APLP2: variants seen among roughly 807,000 people sequenced by gnomAD.
The protein encoded by APLP2 is amyloid beta precursor like protein 2.
A neutral mutation model predicts 89.9 loss-of-function variants in APLP2; 53 were observed. The observed-to-expected ratio is 0.59, with a 90% CI of 0.47 to 0.74. The LOEUF (loss-of-function observed/expected upper bound fraction) is 0.74, where lower values mean the gene tolerates loss of function less well. APLP2 is among the 30% of genes least tolerant of loss of function. The probability of loss-of-function intolerance (pLI) is 0.00; values close to 1 mark genes in which losing one functional copy is unlikely to be tolerated. For synonymous variants in APLP2, 372 were observed against 348.6 expected (o/e 1.07, Z -0.75); for missense variants, 973 against 975.9 (o/e 1.00, Z 0.04).
intron 8 of APLP2, 90 bp from the exon 9 acceptor site, chr11:130,127,676 A>G: frequency 9.3e-7 from 1 of 1,070,758 alleles, no homozygotes; most frequent in Non-Finnish European, 1.4e-6. Context: ...GTTTCCTGTG[A>G]GATTTAGCAT....
At chr11:130,076,660 C>T (rs753039409) in intron 1 of APLP2, among the ~76,000 whole-genome samples, 2 of 152,144 alleles carry the variant, frequency 1.3e-5, no homozygotes, top group Non-Finnish European at 2.9e-5. Context: ...GAGCTGTCCC[C>T]ACCGCCTTCC....
chr11:130,094,603 A>G (rs1196907616), intron 1 of APLP2, among the ~76,000 whole-genome samples: 1 of 152,252 alleles, frequency 6.6e-6, no homozygotes, highest in Non-Finnish European at 1.5e-5. Context: ...TCTGAGGGAA[A>G]TTATTTCCAG....
intron 13 of APLP2, among the ~76,000 whole-genome samples, chr11:130,138,426 C>T (rs2136123687): frequency 6.6e-6 from 1 of 152,194 alleles, no homozygotes; most frequent in Non-Finnish European, 1.5e-5. Flanking sequence ...GATGAGTTTT[C>T]TAGAAGTTTA....
chr11:130,117,296 G>A (rs1395068366), intron 3 of APLP2, among the ~76,000 whole-genome samples: 1 of 151,966 alleles, frequency 6.6e-6, no homozygotes, highest in Non-Finnish European at 1.5e-5. Flanking sequence ...TAAATTTTTG[G>A]CATTTCCGAA....
At chr11:130,103,607 G>A (rs542978117) in intron 1 of APLP2, among the ~76,000 whole-genome samples, 1 of 152,154 alleles carries the variant, frequency 6.6e-6, no homozygotes, top group Non-Finnish European at 1.5e-5. Flanking sequence ...GAACTCTTGC[G>A]GTCTTTTAGC....
At chr11:130,126,900 A>G in intron 8 of APLP2, 70 bp downstream of exon 8, 1 of 1,593,808 alleles carries the variant, frequency 6.3e-7, no homozygotes, top group Non-Finnish European at 8.6e-7. Flanking sequence ...TAGCTGAAGA[A>G]AAGTAATAGC....
intron 1 of APLP2, among the ~76,000 whole-genome samples, chr11:130,105,348 C>T (rs553507037): frequency 2.1e-4 from 32 of 151,940 alleles, no homozygotes; most frequent in Admixed American, 7.9e-4. Flanking sequence ...CCCAGGGGGT[C>T]GAGACTGTAA....
At chr11:130,127,994 C>T (rs1231064850) in intron 9 of APLP2, among the ~76,000 whole-genome samples, 154 bp downstream of exon 9, 2 of 152,194 alleles carry the variant, frequency 1.3e-5, no homozygotes, top group African/African-American at 4.8e-5. Context: ...TTTTTCACCT[C>T]AAGTATTGCT....
intron 1 of APLP2, among the ~76,000 whole-genome samples, chr11:130,092,741 T>C (rs943575401): frequency 6.6e-6 from 1 of 151,102 alleles, no homozygotes; most frequent in African/African-American, 2.4e-5. Context: ...GAGCTCTGTC[T>C]TGATGATAGA....
rs1019824082 is a variant in APLP2, at chr11:130,127,893, G to A, written c.1296+53G>A. ...TTTCAGCCTGACCATTGGAAAATAC[G>A]GTCAGAGCCCCATTCCCAACGAAAT... On this transcript the variant is annotated intron_variant, in intron 9 of 16. Coordinates refer to ENST00000338167, the MANE Select transcript of APLP2 (RefSeq NM_001142276.2). 7.9e-6 allele frequency: 12 copies of A among 1,511,770 alleles called. No individual in the cohort carries two copies. The African/African-American group carries it at 9.6e-5, about 12-fold the overall frequency. 93.6% of individuals were successfully genotyped at this position (1,511,770 alleles called of 1,614,324 possible). A position where few individuals can be genotyped will look rare whatever the true frequency, so the allele number is the denominator to read the frequency against.
rs1231022271 is a variant in APLP2, at chr11:130,123,764, G to A, written c.1075G>A (p.Val359Met). Residue 359 changes from valine (V) to methionine (M), a missense_variant, in exon 7 of 17, where the codon GTG (valine) becomes ATG (methionine). Transcript: ENST00000338167. The surrounding 1 kb of genome is among the most constrained non-coding windows in gnomAD (Gnocchi z 4.0). The stretch of plus-strand genomic sequence containing the variant: ...TGAGTCTGAGGATTATTGTATGGCT[G>A]TGTGTAAAGCGATGAGTAAGTCCTG... ...NFESEDYCMA[V>M]CKAMIPPTPL... 2 of 1,614,118 alleles carry A rather than the reference G, an allele frequency of 1.2e-6. No individual in the cohort carries two copies. The highest frequency in any genetic ancestry group is 1.3e-5 in the African/African-American group (1 of 74,952).
intron 8 of APLP2, among the ~76,000 whole-genome samples, chr11:130,127,176 A>C (rs1414988498): frequency 6.6e-6 from 1 of 152,136 alleles, no homozygotes; most frequent in Non-Finnish European, 1.5e-5. Flanking sequence ...CGTGAGAAGA[A>C]AGTGACCAAC....
At position 130,082,688 on chromosome 11, in the gene APLP2, G is replaced by T. The variant is rs544839039; in HGVS notation, c.105+12606G>T. ...TCCCAGCATGAAGCCCTCTAAGTCA[G>T]CCTGGGCACACGCCACTGCAGGTGT... On this transcript the variant is annotated intron_variant, in intron 1 of 16. Coordinates refer to ENST00000338167, the MANE Select transcript of APLP2 (RefSeq NM_001142276.2). 5 of 192,192 alleles carry T rather than the reference G, an allele frequency of 2.6e-5. No homozygotes were observed. In the South Asian group the frequency reaches 3.4e-4, roughly 13 times the overall value. 11.9% of individuals were successfully genotyped at this position (192,192 alleles called of 1,614,324 possible).
chr11:130,100,381 A>G (rs1946743350), intron 1 of APLP2: 1 of 152,238 alleles, frequency 6.6e-6, no homozygotes, highest in African/African-American at 2.4e-5. Context: ...AATCAGAAAA[A>G]AAACACAGGG....
intron 12 of APLP2, among the ~76,000 whole-genome samples, chr11:130,135,197 A>G (rs542275625): frequency 2.5e-4 from 38 of 152,228 alleles, no homozygotes; most frequent in African/African-American, 9.2e-4. Context: ...AGGTATTCTT[A>G]TTTTTAAAAA....
intron 1 of APLP2, among the ~76,000 whole-genome samples, chr11:130,091,459 CA>C (rs1945157122): frequency 7.4e-6 from 1 of 134,698 alleles, no homozygotes. Flanking sequence ...AGGCGCCCCT[CA>C]CCTCCCAGAC....
Position 130,121,765 on chromosome 11 carries a change from A to AAGAGGAAGAGGAAGATGAAGAGGG in APLP2, c.691_692insGAGAGGAAGAGGAAGATGAAGAGG (p.Glu230_Glu231insGlyGluGluGluGluAspGluGlu), listed in dbSNP as rs1949850660. ...GAAGAGGAAGAGGAAGATGAAGAGG[A>AAGAGGAAGAGGAAGATGAAGAGGG]AGAGGAAGAGGAAGATGAAGAGGAA... is the stretch of plus-strand genomic sequence containing the variant. On this transcript the variant is annotated inframe_insertion, in exon 5 of 17. Transcript: ENST00000338167. 2 of 1,613,616 alleles carry AAGAGGAAGAGGAAGATGAAGAGGG rather than the reference A, an allele frequency of 1.2e-6. No individual in the cohort carries two copies. The highest frequency in any genetic ancestry group is 4.5e-5 in the East Asian group (2 of 44,880).
At chr11:130,142,779 A>G (rs776659490) in intron 16 of APLP2, among the ~76,000 whole-genome samples, 3 of 151,984 alleles carry the variant, frequency 2.0e-5, no homozygotes, top group South Asian at 2.1e-4. Flanking sequence ...ACGCCCAGCT[A>G]GTCTTTGTAT....
intron 1 of APLP2, among the ~76,000 whole-genome samples, chr11:130,101,041 T>TAA (rs60861608): frequency 2.0e-5 from 3 of 150,072 alleles, no homozygotes; most frequent in East Asian, 1.9e-4. Context: ...GTTTGGACAG[T>TAA]AAAAAAAAAA....
Sources: gnomAD v4.1 joint callset for allele counts (sites outside exome capture counted in the v4.1 genomes callset) on GRCh38, gnomAD v4.1.1 for gene constraint, Gnocchi (gnomAD v3.1) non-coding constraint, MANE v1.5 for transcripts, NCBI Gene and HGNC (gene_info 2026-07-23, HGNC 2026-07-21) for gene names.